Variants in CTDP1 observed in about 807,000 individuals in gnomAD.
The protein encoded by CTDP1 is RNA polymerase II subunit A C-terminal domain phosphatase.
A neutral mutation model predicts 91.8 loss-of-function variants in CTDP1; 47 were observed. That is an observed-to-expected ratio of 0.51 (90% CI 0.41 to 0.65). CTDP1 has a LOEUF of 0.65. CTDP1 is among the 30% of genes least tolerant of loss of function. The pLI, the probability that CTDP1 is intolerant of heterozygous loss-of-function variation, is 0.00. For missense variants in CTDP1, 1,272 were observed against 1,373.7 expected (o/e 0.93, Z 1.17); for synonymous variants, 656 against 598.5 (o/e 1.10, Z -1.40).
intron 10 of CTDP1, among the ~76,000 whole-genome samples, chr18:79,719,684 T>A (rs1282334574): frequency 1.3e-5 from 2 of 151,596 alleles, no homozygotes; most frequent in Admixed American, 1.3e-4. Flanking sequence ...GAAAGCGTCC[T>A]GGTGATGATG....
intron 1 of CTDP1, among the ~76,000 whole-genome samples, chr18:79,690,027 C>T (rs1051617450): frequency 2.0e-5 from 3 of 152,190 alleles, no homozygotes; most frequent in African/African-American, 4.8e-5. Flanking sequence ...AATCCTGCTG[C>T]TTCTTGGTGG....
At chr18:79,717,243 A>G (rs2086231621) in intron 8 of CTDP1, among the ~76,000 whole-genome samples, 1 of 138,554 alleles carries the variant, frequency 7.2e-6, no homozygotes, top group Non-Finnish European at 1.5e-5. Flanking sequence ...GAGGGCCCTG[A>G]GCCCTGGTGG....
At chr18:79,698,112 G>A in intron 4 of CTDP1, 124 bp downstream of exon 4, 2 of 1,406,742 alleles carry the variant, frequency 1.4e-6, no homozygotes, top group South Asian at 1.2e-5. Context: ...TTGGAAAGCA[G>A]ACTTGCTAGT....
intron 11 of CTDP1, 103 bp from the exon 12 acceptor site, chr18:79,736,252 C>T (rs115700428): frequency 1.1e-5 from 16 of 1,452,756 alleles, no homozygotes; most frequent in Admixed American, 9.8e-5. Flanking sequence ...CTCCAGCCCC[C>T]ACCCTGCTGC....
In CTDP1 at chr18:79,754,095, G is replaced by A. The variant is rs2087057031; in HGVS notation, c.*305G>A. The A allele has an allele frequency of 2.3e-6, 1 of 437,530 alleles. No homozygotes were observed. Among genetic ancestry groups the A allele is most frequent in the African/African-American group, 2.0e-5 (1 of 49,974 alleles). The allele number at this position is 437,530 out of a possible 1,614,324, so 27.1% of individuals were successfully genotyped here. The stretch of plus-strand genomic sequence containing the variant: ...CTGTCTCGGTAAGGGGCGGGTTGGT[G>A]TGTTTTCCCCTTGTGTACCAGAGCA... On this transcript the variant is annotated 3_prime_UTR_variant, in exon 13 of 13. Transcript: ENST00000613122.
chr18:79,715,281 G>C lies in CTDP1; in HGVS notation c.1821G>C (p.Lys607Asn), dbSNP rs1294136498. The change falls in exon 8 of 13, where the codon AAG (lysine) becomes AAC (asparagine). Residue 607 changes from lysine (K) to asparagine (N), a missense_variant. Lys to Asn is a moderately conservative substitution (Grantham distance 94). Around this residue, in one of 3 missense-constraint regions of CTDP1, gnomAD observed 881 missense variants for 911.6 expected, o/e 0.97. Transcript: ENST00000613122. ...LVRVHTDYYA[K>N]YDRYLNKEIE... is the part of the protein sequence containing the mutation. ...GTGTACACACTGACTACTATGCCAAGTATGACCGCTACCTCAACAAGGAGA... is the reference window on the plus strand; with the variant it reads ...GTGTACACACTGACTACTATGCCAACTATGACCGCTACCTCAACAAGGAGA... 1.2e-6 allele frequency: 2 copies of C among 1,610,400 alleles called. No homozygotes were observed. The highest frequency in any genetic ancestry group is 2.7e-5 in the African/African-American group (2 of 74,924).
intron 1 of CTDP1, among the ~76,000 whole-genome samples, chr18:79,686,368 G>T (rs574344201): frequency 6.6e-6 from 1 of 152,182 alleles, no homozygotes; most frequent in Admixed American, 6.5e-5. Context: ...GAAAACAAGC[G>T]ATGTAAGTTG....
Position 79,713,096 on chromosome 18 carries a change from A to G in CTDP1, c.988A>G (p.Asn330Asp). ...ATACTTCCAGGGCACGGGTGATATGAATGCGCCCCCTGGGTCCCGAGAATC... is the reference window on the plus strand; with the variant it reads ...ATACTTCCAGGGCACGGGTGATATGGATGCGCCCCCTGGGTCCCGAGAATC... ...YVYFQGTGDM[N>D]APPGSRESQT... The change falls in exon 7 of 13, where the codon AAT becomes GAT. Residue 330 changes from asparagine (N) to aspartate (D), a missense_variant. This residue lies in a region of CTDP1 where 881 missense variants were observed against 911.6 expected (regional missense o/e 0.97). Transcript: ENST00000613122. This position sits in a 1 kb window ranked among gnomAD's most constrained non-coding sequence, Gnocchi z 4.7. 1 of 1,614,162 alleles carries G rather than the reference A, an allele frequency of 6.2e-7. No homozygotes were observed.
chr18:79,720,531 G>A (rs1490505813), intron 10 of CTDP1, among the ~76,000 whole-genome samples: 2 of 146,324 alleles, frequency 1.4e-5, no homozygotes, highest in Non-Finnish European at 1.5e-5. Context: ...GTCACCACCC[G>A]TCATTAGCGC....
In CTDP1 at chr18:79,687,811, GAGGTTCTGAGGCAAGGACTTTCCTTGC is replaced by G. The variant is rs1299030440; in HGVS notation, c.315-7409_315-7383del. Among the ~76,000 whole-genome samples, 9 of 152,358 alleles carry G rather than the reference GAGGTTCTGAGGCAAGGACTTTCCTTGC, an allele frequency of 5.9e-5. No homozygotes were observed. In the South Asian group the frequency reaches 1.4e-3, roughly 25 times the overall value. On this transcript the variant is annotated intron_variant, in intron 1 of 12. Transcript: ENST00000613122. ...ACACCATGGCTCCCTGGGGTCTGTG[GAGGTTCTGAGGCAAGGACTTTCCTTGC>G]AGGTCTGTTTACCCAGCAGAGAGGG...
rs754086968 is a variant in CTDP1, at chr18:79,712,955, T to C, written c.864-17T>C. 1.8e-5 allele frequency: 29 copies of C among 1,612,626 alleles called. No individual in the cohort carries two copies. The highest frequency in any genetic ancestry group is 2.2e-5 in the East Asian group (1 of 44,888). On this transcript the variant is annotated splice_polypyrimidine_tract_variant and intron_variant, in intron 6 of 12. Transcript: ENST00000613122. ...TTTCATTATTATTTTTTGTAAATTA[T>C]GCATTTTCACTTGTAGAAATCTCTT... is the stretch of plus-strand genomic sequence containing the variant.
At chr18:79,707,697 A>G (rs621491) in intron 5 of CTDP1, among the ~76,000 whole-genome samples, 143,001 of 152,270 alleles carry the variant, frequency 0.94, 67,795 homozygotes, top group East Asian at 1. Context: ...CGCAGGAGGA[A>G]GACTGTGTCC....
intron 1 of CTDP1, among the ~76,000 whole-genome samples, chr18:79,694,780 A>G (rs549828528): frequency 2.6e-5 from 4 of 152,366 alleles, no homozygotes; most frequent in African/African-American, 9.6e-5. Flanking sequence ...TAAAACGAAC[A>G]TTACAGTCAT....
chr18:79,710,560 G>T lies in CTDP1; in HGVS notation c.863+124G>T, dbSNP rs899463007. On this transcript the variant is annotated intron_variant, in intron 6 of 12. Coordinates refer to ENST00000613122, the MANE Select transcript of CTDP1 (RefSeq NM_004715.5). ...TTTTTTGAGACGGAGTCTTGCTGTT[G>T]CCCAGGCTAGAGTGCAGTGGCGCGA... The T allele has an allele frequency of 9.0e-5, 68 of 752,768 alleles. No individual in the cohort carries two copies. In the East Asian group the frequency reaches 1.9e-3, roughly 21 times the overall value. The allele number at this position is 752,768 out of a possible 1,614,324, so 46.6% of individuals were successfully genotyped here.
chr18:79,695,009 G>A (rs1176180922), intron 1 of CTDP1, among the ~76,000 whole-genome samples: 1 of 152,152 alleles, frequency 6.6e-6, no homozygotes, highest in Non-Finnish European at 1.5e-5. Flanking sequence ...AGGTGTGGTG[G>A]CGTGTCATTT....
upstream of CTDP1, chr18:79,679,254 C>T (rs2085299651): frequency 5.3e-6 from 2 of 375,964 alleles, no homozygotes; most frequent in African/African-American, 4.2e-5. Context: ...AAGAGAAGAC[C>T]GCAACCCCCA....
intron 12 of CTDP1, chr18:79,749,672 G>A (rs984046038): frequency 7.9e-5 from 12 of 152,304 alleles, no homozygotes; most frequent in African/African-American, 2.7e-4. Flanking sequence ...GTTCGCAAGG[G>A]TCTCCTGTCC....
rs762136157 is a variant in CTDP1 at position 79,715,280 on chromosome 18, A to G, written c.1820A>G (p.Lys607Arg). The G allele has an allele frequency of 2.5e-6, 4 of 1,610,600 alleles. No homozygotes were observed. The highest frequency in any genetic ancestry group is 1.3e-5 in the African/African-American group (1 of 75,040). ...CGTGTACACACTGACTACTATGCCA[A>G]GTATGACCGCTACCTCAACAAGGAG... ...LVRVHTDYYA[K>R]YDRYLNKEIE... The change falls in exon 8 of 13, where the codon AAG (lysine) becomes AGG (arginine). Residue 607 changes from lysine (K) to arginine (R), a missense_variant. By Grantham distance (26) the Lys-to-Arg change is conservative (BLOSUM62 2). This residue lies in a region of CTDP1 where 881 missense variants were observed against 911.6 expected (regional missense o/e 0.97). Coordinates refer to ENST00000613122, the MANE Select transcript of CTDP1 (RefSeq NM_004715.5).
At chr18:79,686,842 A>T (rs1164745707) in intron 1 of CTDP1, among the ~76,000 whole-genome samples, 4 of 149,888 alleles carry the variant, frequency 2.7e-5, no homozygotes, top group African/African-American at 5.0e-5. Flanking sequence ...GCACCGCAGC[A>T]GTTGGCTTCG....
Sources: allele counts gnomAD v4.1 joint callset (sites outside exome capture counted in the v4.1 genomes callset), GRCh38; gene constraint gnomAD v4.1.1; regional missense constraint gnomAD v4.1.1; non-coding constraint Gnocchi (gnomAD v3.1); transcripts MANE v1.5; gene names NCBI Gene and HGNC (gene_info 2026-07-23, HGNC 2026-07-21).